Variants in TTN observed in about 807,000 individuals in gnomAD.
TTN encodes the protein titin, also known as connectin.
TTN carries 1,525 observed loss-of-function variants against 3,223.0 expected under a neutral mutation model. That is an observed-to-expected ratio of 0.47 (90% confidence interval 0.45 to 0.49). The LOEUF is 0.49. TTN is among the 20% of genes least tolerant of loss of function. The probability of loss-of-function intolerance (pLI) is 0.00; values close to 1 mark genes in which losing one functional copy is unlikely to be tolerated. For synonymous variants in TTN, 14,094 were observed against 15,161.0 expected (o/e 0.93, Z 5.17); for missense variants, 40,786 against 43,424.0 (o/e 0.94, Z 5.40).
Position 178,727,218 on chromosome 2 carries a change from A to C in TTN, c.20147T>G (p.Met6716Arg), listed in dbSNP as rs28626194. Reference sequence around the variant, plus strand: ...GACGGCCACTGAGTCAATGAAAGTCATTCTGTACTTATCACTGGCTGGAAG... The same window carrying C: ...GACGGCCACTGAGTCAATGAAAGTCCTTCTGTACTTATCACTGGCTGGAAG... ...HELPASDKYR[M>R]TFIDSVAVIQ... The change falls in exon 69 of 363, where the codon ATG (methionine) becomes AGG (arginine). Residue 6716 changes from methionine (M) to arginine (R), a missense_variant. Coordinates refer to ENST00000589042, the MANE Select transcript of TTN (RefSeq NM_001267550.2). 1.9e-6 allele frequency: 3 copies of C among 1,613,250 alleles called. No homozygotes were observed. The African/African-American group carries it at 4.0e-5, about 22-fold the overall frequency.
At chr2:178,794,885 T>C in intron 7 of TTN, 37 bp downstream of exon 7, 1 of 1,596,444 alleles carries the variant, frequency 6.3e-7, no homozygotes, top group Non-Finnish European at 8.5e-7. Flanking sequence ...GAAACTAGAA[T>C]GTGAAATAAG....
intron 71 of TTN, chr2:178,724,847 A>C (rs1578067762): frequency 8.2e-6 from 2 of 245,092 alleles, no homozygotes; most frequent in South Asian, 2.9e-4. Context: ...AATTTAAACA[A>C]TGTGCATTAG....
Position 178,574,998 on chromosome 2 carries a change from C to T in TTN, c.71134G>A (p.Val23712Ile), listed in dbSNP as rs879054551. 13 of 1,613,242 alleles carry T rather than the reference C, an allele frequency of 8.1e-6. No individual in the cohort carries two copies. The highest frequency in any genetic ancestry group is 1.3e-5 in the African/African-American group (1 of 74,884). Reference sequence around the variant, plus strand: ...GTGATGACATCACCAACCTCTCCTACAATGTTCCTTGCTGTTAATGGATAG... The same window carrying T: ...GTGATGACATCACCAACCTCTCCTATAATGTTCCTTGCTGTTAATGGATAG... ...GPYPLTARNI[V>I]GEVGDVITIQ... is the part of the protein sequence containing the mutation. The change falls in exon 326 of 363, where the codon GTA (valine) becomes ATA (isoleucine). Residue 23712 changes from valine to isoleucine, a missense_variant. Coordinates refer to ENST00000589042, the MANE Select transcript of TTN (RefSeq NM_001267550.2).
At chr2:178,750,828 C>T in intron 47 of TTN, 1 of 1,612,988 alleles carries the variant, frequency 6.2e-7, no homozygotes, top group Non-Finnish European at 8.5e-7. Flanking sequence ...TTCTCACATA[C>T]ATTAGTGATA....
chr2:178,557,348 C>G lies in TTN; in HGVS notation c.87914G>C (p.Gly29305Ala). 6.2e-7 allele frequency: 1 copy of G among 1,613,950 alleles called. No individual in the cohort carries two copies. Among genetic ancestry groups the G allele is most frequent in the African/African-American group, 1.3e-5 (1 of 75,058 alleles). ...THFKVTTISA[G>A]LIYEFRVYAE... The stretch of plus-strand genomic sequence containing the variant: ...ATACACCCTGAATTCATAAATAAGT[C>G]CAGCACTGATTGTTGTGACTTTGAA... Residue 29305 changes from glycine (G) to alanine (A), a missense_variant, in exon 329 of 363, where the codon GGA becomes GCA. Physicochemically the swap from Gly to Ala is moderately conservative, Grantham distance 60. Coordinates refer to ENST00000589042, the MANE Select transcript of TTN (RefSeq NM_001267550.2).
chr2:178,653,519 T>C lies in TTN; in HGVS notation c.38627-12A>G. ...TGGGACTTCAGGCACTTGAAAGATA[T>C]TAGTAGTTTTTCACTTAGGTTAATG... On this transcript the variant is annotated splice_polypyrimidine_tract_variant and intron_variant, in intron 196 of 362. Transcript: ENST00000589042. 2.1e-6 allele frequency: 3 copies of C among 1,426,426 alleles called. No homozygotes were observed. Among genetic ancestry groups the C allele is most frequent in the Non-Finnish European group, 1.9e-6 (2 of 1,066,590 alleles). 88.4% of individuals were successfully genotyped at this position (1,426,426 alleles called of 1,614,324 possible). A position where few individuals can be genotyped will look rare whatever the true frequency, so the allele number is the denominator to read the frequency against.
rs1463558062 is a variant in TTN at position 178,565,799 on chromosome 2, G to T, written c.80333C>A (p.Ala26778Asp). The T allele has an allele frequency of 3.7e-6, 6 of 1,613,626 alleles. No homozygotes were observed. The highest frequency in any genetic ancestry group is 5.1e-6 in the Non-Finnish European group (6 of 1,179,648). The change falls in exon 326 of 363, where the codon GCT becomes GAT. Residue 26778 changes from alanine to aspartate, a missense_variant. Coordinates refer to ENST00000589042, the MANE Select transcript of TTN (RefSeq NM_001267550.2). ...CTTTCCTGGTGGGGAAGGAGGTTCA[G>T]CAGCTTTCACGGCATCAACAGTTTC... ...PVETVDAVKA[A>D]EPPSPPGKVT...
chr2:178,571,122 G>C lies in TTN; in HGVS notation c.75010C>G (p.Arg25004Gly), dbSNP rs1320326326. 1.9e-6 allele frequency: 3 copies of C among 1,613,244 alleles called. No individual in the cohort carries two copies. Among genetic ancestry groups the C allele is most frequent in the African/African-American group, 1.3e-5 (1 of 74,878 alleles). The change falls in exon 326 of 363, where the codon CGT becomes GGT. Residue 25004 changes from arginine (R) to glycine (G), a missense_variant. Arg to Gly is a moderately radical substitution (Grantham distance 125, BLOSUM62 -2). Coordinates refer to ENST00000589042, the MANE Select transcript of TTN (RefSeq NM_001267550.2). The part of the protein sequence containing the change: ...PSKVSECYVA[R>G]DPCDPPGRPE... ...CGTCCTGGTGGATCACATGGGTCAC[G>C]AGCCACATAACATTCTGATACTTTA... is the stretch of plus-strand genomic sequence containing the variant.
Position 178,667,429 on chromosome 2 carries a change from A to G in TTN, c.35713+13T>C, listed in dbSNP as rs376043447. On this transcript the variant is annotated intron_variant, in intron 161 of 362. Coordinates refer to ENST00000589042, the MANE Select transcript of TTN (RefSeq NM_001267550.2). ...AAAGATACTCATCTGGGTTTGATGT[A>G]TTTGAAATATACCTTTAGTTGCTGG... The G allele has an allele frequency of 1.9e-6, 3 of 1,594,934 alleles. No individual in the cohort carries two copies. Among genetic ancestry groups the G allele is most frequent in the African/African-American group, 2.7e-5 (2 of 74,592 alleles).
At position 178,741,155 on chromosome 2, in the gene TTN, C is replaced by A; in HGVS notation, c.12078G>T (p.Leu4026=). Residue 4026 remains leucine (L), a synonymous_variant, in exon 48 of 363, where the codon CTG becomes CTT. Transcript: ENST00000589042. ...TGTCTGTGTCTTCCAGAAGCACAAG[C>A]AGCTCTGCTGCACAGGTGGACTCAC... ...MLGESTCAAE[L]LVLLEDTDMT... 6.2e-7 allele frequency: 1 copy of A among 1,613,620 alleles called. No individual in the cohort carries two copies. The highest frequency in any genetic ancestry group is 2.2e-5 in the East Asian group (1 of 44,868).
intron 223 of TTN, among the ~76,000 whole-genome samples, chr2:178,638,238 A>G (rs2060747178): frequency 6.6e-6 from 1 of 151,716 alleles, no homozygotes; most frequent in Admixed American, 6.6e-5. Flanking sequence ...TCAAAAGAAT[A>G]TAGTGTATTT....
In TTN at chr2:178,794,505, GCAA is replaced by G; in HGVS notation, c.1289_1291del (p.Val430del). On this transcript the variant is annotated inframe_deletion, in exon 8 of 363. Coordinates refer to ENST00000589042, the MANE Select transcript of TTN (RefSeq NM_001267550.2). ...TCTCACTCTGGCCATATCAACGGCAGCAACAACAGTCGCAACAGCTGCACTTTT... is the reference window on the plus strand; with the variant it reads ...TCTCACTCTGGCCATATCAACGGCAGCAACAGTCGCAACAGCTGCACTTTT... 1 of 1,614,202 alleles carries G rather than the reference GCAA, an allele frequency of 6.2e-7. No homozygotes were observed. The highest frequency in any genetic ancestry group is 8.5e-7 in the Non-Finnish European group (1 of 1,180,022).
At position 178,784,053 on chromosome 2, in the gene TTN, G is replaced by T. The variant is rs1231047891; in HGVS notation, c.2775+17C>A. 6.2e-7 allele frequency: 1 copy of T among 1,612,032 alleles called. No homozygotes were observed. Among genetic ancestry groups the T allele is most frequent in the Non-Finnish European group, 8.5e-7 (1 of 1,179,874 alleles). ...AATGGGAGTGGACCATGTAACAGCG[G>T]GTAACCAGTGACCAACCTTGGCTTC... On this transcript the variant is annotated intron_variant, in intron 16 of 362. Coordinates refer to ENST00000589042, the MANE Select transcript of TTN (RefSeq NM_001267550.2).
Position 178,584,452 on chromosome 2 carries a change from T to C in TTN, c.65099A>G (p.Glu21700Gly), listed in dbSNP as rs2048488125. ...TTTCACCCACAGCAAACTGTTTCTT[T>C]CCTTGCGTTCAATCAGATAACCAAT... ...PIIGYLIERK[E>G]RNSLLWVKAN... Residue 21700 changes from glutamate to glycine, a missense_variant, in exon 311 of 363, where the codon GAA (glutamate) becomes GGA (glycine). Coordinates refer to ENST00000589042, the MANE Select transcript of TTN (RefSeq NM_001267550.2). 6.2e-7 allele frequency: 1 copy of C among 1,613,190 alleles called. No homozygotes were observed. Among genetic ancestry groups the C allele is most frequent in the Non-Finnish European group, 8.5e-7 (1 of 1,179,538 alleles).
rs1296403453 is a variant in TTN at position 178,621,858 on chromosome 2, C to T, written c.45064G>A (p.Gly15022Ser). ...SCEVRTARTS[G>S]MLTVLEEEAV... is the part of the protein sequence containing the mutation. ...CTCTTACCCAGAACTGTCAGCATGCCAGAAGTTCTCGCTGTCCTTACTTCA... is the reference window on the plus strand; with the variant it reads ...CTCTTACCCAGAACTGTCAGCATGCTAGAAGTTCTCGCTGTCCTTACTTCA... The change falls in exon 244 of 363, where the codon GGC (glycine) becomes AGC (serine). Residue 15022 changes from glycine to serine, a missense_variant. Transcript: ENST00000589042. The T allele has an allele frequency of 6.2e-7, 1 of 1,612,048 alleles. No individual in the cohort carries two copies.
chr2:178,526,912 C>CTTT lies in TTN; in HGVS notation c.*97_*99dup. On this transcript the variant is annotated 3_prime_UTR_variant, in exon 363 of 363. Transcript: ENST00000589042. ...ACTCATTTAGGTTGATACAAAACTA[C>CTTT]TTTTTTTTCTTTAAATATTTACAGT... The CTTT allele has an allele frequency of 8.5e-7, 1 of 1,177,744 alleles. No individual in the cohort carries two copies. Among genetic ancestry groups the CTTT allele is most frequent in the Non-Finnish European group, 1.1e-6 (1 of 873,390 alleles). The allele number at this position is 1,177,744 out of a possible 1,614,324, so 73.0% of individuals were successfully genotyped here.
chr2:178,635,578 C>T lies in TTN; in HGVS notation c.41746G>A (p.Glu13916Lys). ...WFKGYDEIPAEPNDKTEILRD... is the reference protein window; with the variant it reads ...WFKGYDEIPAKPNDKTEILRD... The stretch of plus-strand genomic sequence containing the variant: ...AGTATTTCAGTCTTATCATTTGGTT[C>T]CGCAGGGATTTCATCATATCCTTTG... Residue 13916 changes from glutamate to lysine, a missense_variant, in exon 227 of 363, where the codon GAA becomes AAA. Transcript: ENST00000589042. 1 of 1,594,056 alleles carries T rather than the reference C, an allele frequency of 6.3e-7. No homozygotes were observed. The highest frequency in any genetic ancestry group is 8.6e-7 in the Non-Finnish European group (1 of 1,168,908).
At position 178,557,923 on chromosome 2, in the gene TTN, G is replaced by C. The variant is rs1417177709; in HGVS notation, c.87431C>G (p.Pro29144Arg). 6.8e-6 allele frequency: 11 copies of C among 1,613,174 alleles called. No individual in the cohort carries two copies. The highest frequency in any genetic ancestry group is 8.5e-6 in the Non-Finnish European group (10 of 1,179,856). Residue 29144 changes from proline to arginine, a missense_variant, in exon 328 of 363, where the codon CCT becomes CGT. Pro to Arg is a moderately radical substitution (Grantham distance 103, BLOSUM62 -2). Coordinates refer to ENST00000589042, the MANE Select transcript of TTN (RefSeq NM_001267550.2). ...VLDRPGPPTGPVVISDITEES... is the reference protein window; with the variant it reads ...VLDRPGPPTGRVVISDITEES... ...TTCAGTTATATCACTAATAACAACA[G>C]GGCCAGTTGGAGGACCAGGCCTGTC...
chr2:178,767,423 T>C (rs755290008), intron 40 of TTN, among the ~76,000 whole-genome samples: 26 of 152,232 alleles, frequency 1.7e-4, no homozygotes, highest in Non-Finnish European at 3.8e-4. Flanking sequence ...TGTTCTAAAT[T>C]TCCTTAATTC....
Sources: gnomAD v4.1 joint callset for allele counts (sites outside exome capture counted in the v4.1 genomes callset) on GRCh38, gnomAD v4.1.1 for gene constraint, MANE v1.5 for transcripts, NCBI Gene and HGNC (gene_info 2026-07-23, HGNC 2026-07-21) for gene names.